PHF21A: variants seen among roughly 807,000 people sequenced by gnomAD.
PHF21A encodes the protein PHD finger protein 21A, also known as BHC80a.
Under a neutral mutation model 82.5 loss-of-function variants are expected in PHF21A, and 11 were observed. The observed-to-expected ratio is 0.13, with a 90% confidence interval of 0.08 to 0.22. PHF21A has a LOEUF of 0.22. Among genes scored for constraint, PHF21A ranks in the 10% least tolerant of loss-of-function variants. PHF21A has a pLI of 1.00. For missense variants in PHF21A, 579 were observed against 837.8 expected, an observed-to-expected ratio of 0.69 and a Z score of 3.81; for synonymous variants, 297 against 302.8, an observed-to-expected ratio of 0.98 and a Z score of 0.20.
rs938914044 is a variant in PHF21A at position 46,067,608 on chromosome 11, A to AC, written c.153+9145_153+9146insG. Among the ~76,000 whole-genome samples, 11 of 151,950 alleles carry AC rather than the reference A, an allele frequency of 7.2e-5. No individual in the cohort carries two copies. In the South Asian group the frequency reaches 1.9e-3, roughly 26 times the overall value. Reference sequence around the variant, plus strand: ...ATATTCCACCCCCCACAAAAAAAAAAAAAACTGAATTGAATCATTTAAATG... The same window carrying AC: ...ATATTCCACCCCCCACAAAAAAAAAACAAAACTGAATTGAATCATTTAAATG... On this transcript the variant is annotated intron_variant, in intron 6 of 18. Coordinates refer to ENST00000676320, the MANE Select transcript of PHF21A (RefSeq NM_001352027.3).
chr11:46,071,551 A>T (rs1453331005), intron 6 of PHF21A, among the ~76,000 whole-genome samples: 1 of 152,254 alleles, frequency 6.6e-6, no homozygotes, highest in South Asian at 2.1e-4. Flanking sequence ...CCAGTTAGGT[A>T]TAAGTACTGG....
chr11:46,014,697 G>GACTGGTGTAAAGTGGTATCACT (rs1591995909), intron 6 of PHF21A, among the ~76,000 whole-genome samples: 7 of 116,524 alleles, frequency 6.0e-5, no homozygotes, highest in African/African-American at 8.9e-5. Context: ...TAGTTATTCT[G>GACTGGTGTAAAGTGGTATCACT]GGGCCGGGCG....
At chr11:46,021,423 C>T (rs189199941) in intron 6 of PHF21A, among the ~76,000 whole-genome samples, 110 of 152,180 alleles carry the variant, frequency 7.2e-4, no homozygotes, top group Middle Eastern at 6.8e-3. Flanking sequence ...ATACACCATA[C>T]CTCCATCAGT....
chr11:45,965,250 G>T, intron 10 of PHF21A, 65 bp downstream of exon 10: 1 of 1,371,566 alleles, frequency 7.3e-7, no homozygotes, highest in Non-Finnish European at 1.0e-6. Context: ...TTTAGAGAAA[G>T]CCCAGCAGCC....
chr11:45,960,500 A>G (rs1430758884), intron 10 of PHF21A, among the ~76,000 whole-genome samples: 1 of 152,212 alleles, frequency 6.6e-6, no homozygotes, highest in Non-Finnish European at 1.5e-5. Flanking sequence ...ACATCTATGG[A>G]GACAGAAAGC....
chr11:45,941,528 T>G (rs888502033), intron 15 of PHF21A, among the ~76,000 whole-genome samples: 1 of 151,934 alleles, frequency 6.6e-6, no homozygotes, highest in Non-Finnish European at 1.5e-5. Context: ...ATTATGAAAA[T>G]AGCTTTGATT....
chr11:46,070,563 T>C (rs2096645439), intron 6 of PHF21A, among the ~76,000 whole-genome samples: 1 of 152,162 alleles, frequency 6.6e-6, no homozygotes, highest in South Asian at 2.1e-4. Context: ...ACTCCTGATC[T>C]CAGGTGATCT....
At chr11:45,965,653 CAA>C (rs1307275014) in intron 9 of PHF21A, 45 bp from the exon 10 acceptor site, 3 of 1,432,348 alleles carry the variant, frequency 2.1e-6, no homozygotes, top group Non-Finnish European at 2.8e-6. Context: ...TTAAGCTGCT[CAA>C]GTCCTATAAA....
rs1353790160 is a variant in PHF21A, at chr11:46,015,016, A to T, written c.154-35050T>A. ...AAAATAAAAATAAAAAAATAAAAAA[A>T]AATAAAAAAATAAAAAATAGTTATT... On this transcript the variant is annotated intron_variant, in intron 6 of 18. Transcript: ENST00000676320. Among the ~76,000 whole-genome samples the T allele has an allele frequency of 8.5e-5, 4 of 46,878 alleles. 1 individual carries two copies. Among genetic ancestry groups the T allele is most frequent in the Non-Finnish European group, 1.3e-4 (4 of 29,772 alleles). The allele number at this position is 46,878 out of a possible 152,430, so 30.8% of individuals were successfully genotyped here.
At chr11:45,981,619 C>T (rs942064137) in intron 6 of PHF21A, among the ~76,000 whole-genome samples, 3 of 151,922 alleles carry the variant, frequency 2.0e-5, no homozygotes, top group African/African-American at 7.3e-5. Flanking sequence ...AGTTCATTAG[C>T]AGAGGTGTGC....
intron 6 of PHF21A, among the ~76,000 whole-genome samples, chr11:46,055,099 T>A (rs900584880): frequency 6.6e-6 from 1 of 152,122 alleles, no homozygotes; most frequent in African/African-American, 2.4e-5. Context: ...TCCTCTACCA[T>A]TTCCATTTTG....
chr11:46,099,282 G>C (rs558460877), intron 1 of PHF21A, among the ~76,000 whole-genome samples: 1 of 152,222 alleles, frequency 6.6e-6, no homozygotes, highest in African/African-American at 2.4e-5. Flanking sequence ...GGAGCCCTCA[G>C]TATACTACAG....
intron 6 of PHF21A, among the ~76,000 whole-genome samples, chr11:46,054,867 C>G (rs915671943): frequency 5.3e-5 from 8 of 152,126 alleles, no homozygotes; most frequent in African/African-American, 1.9e-4. Flanking sequence ...ACAGTAGAAG[C>G]TCTTTTAACC....
intron 6 of PHF21A, among the ~76,000 whole-genome samples, chr11:46,056,223 A>G (rs1363128097): frequency 6.6e-6 from 1 of 152,146 alleles, no homozygotes; most frequent in African/African-American, 2.4e-5. Flanking sequence ...CAATTTAGCA[A>G]TTTTGTTTTC....
intron 10 of PHF21A, among the ~76,000 whole-genome samples, chr11:45,958,863 A>G (rs1053582297): frequency 6.6e-6 from 1 of 152,164 alleles, no homozygotes; most frequent in African/African-American, 2.4e-5. Context: ...GGCTGCAGTG[A>G]GCTGCAATTG....
At chr11:46,063,003 T>C (rs1357413639) in intron 6 of PHF21A, among the ~76,000 whole-genome samples, 1 of 152,230 alleles carries the variant, frequency 6.6e-6, no homozygotes, top group African/African-American at 2.4e-5. Context: ...TATGCTCATC[T>C]TGATCGTGAT....
intron 6 of PHF21A, among the ~76,000 whole-genome samples, chr11:46,036,009 G>A (rs1207854655): frequency 6.6e-6 from 1 of 152,134 alleles, no homozygotes; most frequent in African/African-American, 2.4e-5. Context: ...GAAGCAAGAA[G>A]ATTCAAAAAG....
intron 18 of PHF21A, chr11:45,934,593 G>C (rs12418714): frequency 4.3e-6 from 1 of 234,978 alleles, no homozygotes; most frequent in Non-Finnish European, 8.4e-6. Flanking sequence ...AGCCTGTTTA[G>C]GCAGGTTTTG....
intron 6 of PHF21A, among the ~76,000 whole-genome samples, chr11:46,068,022 T>G (rs960309046): frequency 6.6e-6 from 1 of 152,046 alleles, no homozygotes; most frequent in African/African-American, 2.4e-5. Flanking sequence ...GGTAAGAAAA[T>G]TCCAGGTGTA....
Sources: gnomAD v4.1 joint callset for allele counts (sites outside exome capture counted in the v4.1 genomes callset) on GRCh38, gnomAD v4.1.1 for gene constraint, MANE v1.5 for transcripts, NCBI Gene and HGNC (gene_info 2026-07-23, HGNC 2026-07-21) for gene names.